The following CTNNA3 variants were observed in gnomAD, a reference collection of about 807,000 sequenced individuals.
CTNNA3 encodes catenin alpha-3.
In CTNNA3, 76 loss-of-function variants were observed where a neutral mutation model predicts 95.7. The ratio of observed to expected loss-of-function variants is 0.79; its 90% CI spans 0.66 to 0.96. CTNNA3 has a LOEUF of 0.96. Among genes scored for constraint, CTNNA3 ranks in the 40% least tolerant of loss-of-function variants. CTNNA3 has a pLI of 0.00. For missense variants in CTNNA3, 1,191 were observed against 1,089.8 expected, an observed-to-expected ratio of 1.09 and a Z score of -1.31; for synonymous variants, 431 against 374.4, an observed-to-expected ratio of 1.15 and a Z score of -1.74.
At chr10:66,939,324 T>C (rs1310033506) in intron 7 of CTNNA3, among the ~76,000 whole-genome samples, 1 of 152,174 alleles carries the variant, frequency 6.6e-6, no homozygotes, top group Admixed American at 6.6e-5. Flanking sequence ...TCATCTCCAC[T>C]TAAAATTTCT....
rs146345230 is a variant in CTNNA3 at position 67,576,488 on chromosome 10, T to C, written c.292+30369A>G. Among the ~76,000 whole-genome samples the C allele has an allele frequency of 4.8e-3, 725 of 152,070 alleles. 19 individuals are homozygous for C. The highest frequency in any genetic ancestry group is 0.045 in the Middle Eastern group (13 of 292). ...TTTTAGTTCCATGAGTGGTACACGG[T>C]AAGCTTTCAAAAATTAGTAATTATA... On this transcript the variant is annotated intron_variant, in intron 3 of 17. Transcript: ENST00000433211.
At chr10:67,714,956 G>C (rs1375385300) in intron 1 of CTNNA3, among the ~76,000 whole-genome samples, 1 of 152,180 alleles carries the variant, frequency 6.6e-6, no homozygotes, top group Non-Finnish European at 1.5e-5. Context: ...CAGCCATATG[G>C]AGCTGGAAGT....
intron 5 of CTNNA3, among the ~76,000 whole-genome samples, chr10:67,520,664 A>C (rs1341202763): frequency 2.6e-5 from 4 of 152,202 alleles, no homozygotes; most frequent in Non-Finnish European, 5.9e-5. Flanking sequence ...TGTGTCTGCA[A>C]AAAGAATGTA....
chr10:66,022,892 A>T (rs1352606280), intron 15 of CTNNA3, among the ~76,000 whole-genome samples: 1 of 152,088 alleles, frequency 6.6e-6, no homozygotes, highest in African/African-American at 2.4e-5. Flanking sequence ...ATCCTATGCC[A>T]TTCATTGTTT....
chr10:67,735,483 G>A (rs1168503160), intron 1 of CTNNA3, among the ~76,000 whole-genome samples: 2 of 151,852 alleles, frequency 1.3e-5, no homozygotes, highest in African/African-American at 4.8e-5. Context: ...ATCAAAAATG[G>A]GTAAAGGACT....
intron 7 of CTNNA3, among the ~76,000 whole-genome samples, chr10:67,145,090 C>T (rs1860776689): frequency 6.6e-6 from 1 of 152,146 alleles, no homozygotes; most frequent in South Asian, 2.1e-4. Context: ...AATGGCTGTT[C>T]TCTGGAGCAG....
At chr10:66,202,396 G>A (rs2131921893) in intron 13 of CTNNA3, among the ~76,000 whole-genome samples, 1 of 152,266 alleles carries the variant, frequency 6.6e-6, no homozygotes, top group African/African-American at 2.4e-5. Flanking sequence ...CAAATGCCAA[G>A]GTACAACCAA....
chr10:67,025,073 G>A (rs1277262625), intron 7 of CTNNA3, among the ~76,000 whole-genome samples: 1 of 146,058 alleles, frequency 6.8e-6, no homozygotes, highest in African/African-American at 2.5e-5. Flanking sequence ...AGGTTGCGGT[G>A]AGCCGAGATC....
At chr10:67,421,424 G>C (rs1474832437) in intron 5 of CTNNA3, among the ~76,000 whole-genome samples, 1 of 152,120 alleles carries the variant, frequency 6.6e-6, no homozygotes, top group Non-Finnish European at 1.5e-5. Context: ...AGACCAAACT[G>C]CATCTGCTCT....
intron 7 of CTNNA3, among the ~76,000 whole-genome samples, chr10:67,117,638 A>G (rs1223876210): frequency 6.6e-6 from 1 of 152,102 alleles, no homozygotes; most frequent in Non-Finnish European, 1.5e-5. Flanking sequence ...TGAACATTCA[A>G]GTATTTCATT....
intron 6 of CTNNA3, among the ~76,000 whole-genome samples, chr10:67,203,681 C>A (rs991773851): frequency 6.6e-6 from 1 of 151,622 alleles, no homozygotes; most frequent in African/African-American, 2.4e-5. Flanking sequence ...ATTTTTCTTG[C>A]TTCCATTAAA....
chr10:67,297,053 T>C (rs527543694), intron 5 of CTNNA3, among the ~76,000 whole-genome samples: 7 of 151,706 alleles, frequency 4.6e-5, no homozygotes, highest in Non-Finnish European at 5.9e-5. Context: ...ACCCATATTG[T>C]TGAGCTTTGT....
intron 14 of CTNNA3, among the ~76,000 whole-genome samples, chr10:66,099,088 G>C (rs2081511646): frequency 1.3e-5 from 2 of 152,192 alleles, no homozygotes; most frequent in Admixed American, 6.6e-5. Context: ...TTACTAAACA[G>C]TGCCTGGTTC....
intron 5 of CTNNA3, among the ~76,000 whole-genome samples, chr10:67,391,241 A>G (rs1844468316): frequency 6.6e-6 from 1 of 152,014 alleles, no homozygotes; most frequent in African/African-American, 2.4e-5. Flanking sequence ...AAAAATCACA[A>G]GCATTCTTAT....
chr10:66,466,062 TA>T (rs1391564415), intron 11 of CTNNA3, among the ~76,000 whole-genome samples: 12 of 151,908 alleles, frequency 7.9e-5, no homozygotes, highest in Admixed American at 7.9e-4. Flanking sequence ...TACACTTGAG[TA>T]AAACAGATAA....
chr10:66,000,983 A>G (rs1479659243), intron 15 of CTNNA3, among the ~76,000 whole-genome samples: 1 of 152,184 alleles, frequency 6.6e-6, no homozygotes, highest in East Asian at 1.9e-4. Context: ...CACCTTAGCC[A>G]TTGATGGGCA....
intron 9 of CTNNA3, among the ~76,000 whole-genome samples, chr10:66,649,949 C>G (rs1490325513): frequency 6.6e-6 from 1 of 152,246 alleles, no homozygotes; most frequent in Non-Finnish European, 1.5e-5. Context: ...TAAAACATCC[C>G]ATGCAGTCCC....
intron 7 of CTNNA3, among the ~76,000 whole-genome samples, chr10:67,145,143 C>T (rs1412906210): frequency 6.6e-6 from 1 of 152,162 alleles, no homozygotes; most frequent in East Asian, 1.9e-4. Context: ...TACTGTCCCC[C>T]ATGGGCATGT....
intron 7 of CTNNA3, among the ~76,000 whole-genome samples, chr10:66,919,322 T>C (rs16923756): frequency 0.086 from 13,084 of 152,112 alleles, 689 homozygotes; most frequent in African/African-American, 0.15. Flanking sequence ...TGCTTTACCT[T>C]TCCTACTGAA....
Sources: allele counts gnomAD v4.1 joint callset (sites outside exome capture counted in the v4.1 genomes callset), GRCh38; gene constraint gnomAD v4.1.1; transcripts MANE v1.5; gene names NCBI Gene and HGNC (gene_info 2026-07-23, HGNC 2026-07-21).